The following MFSD12 variants were observed in gnomAD, a reference collection of about 807,000 sequenced individuals.
MFSD12 encodes major facilitator superfamily domain containing 12, also known as major facilitator superfamily domain-containing protein 12.
MFSD12 carries 67 observed loss-of-function variants against 51.2 expected under a neutral mutation model. The ratio of observed to expected loss-of-function variants is 1.31; its 90% CI spans 1.08 to 1.60. The LOEUF (loss-of-function observed/expected upper bound fraction) is 1.60, where lower values mean the gene tolerates loss of function less well. Among genes scored for constraint, MFSD12 ranks in the 40% most tolerant of loss-of-function variants. The pLI is 0.00. For missense variants in MFSD12, 921 were observed against 673.0 expected, an observed-to-expected ratio of 1.37 and a Z score of -4.08; for synonymous variants, 441 against 316.7, an observed-to-expected ratio of 1.39 and a Z score of -4.17.
In MFSD12 at chr19:3,551,137, C is replaced by T; in HGVS notation, c.356G>A (p.Gly119Glu). The T allele has an allele frequency of 1.9e-6, 3 of 1,612,856 alleles. No homozygotes were observed. Among genetic ancestry groups the T allele is most frequent in the Non-Finnish European group, 2.5e-6 (3 of 1,179,928 alleles). Residue 119 changes from glycine (G) to glutamate (E), a missense_variant, in exon 2 of 10, where the codon GGG becomes GAG. Physicochemically the swap from Gly to Glu is moderately conservative, Grantham distance 98 (BLOSUM62 -2). Coordinates refer to ENST00000355415, the MANE Select transcript of MFSD12 (RefSeq NM_174983.5). This position sits in a 1 kb window ranked among gnomAD's most constrained non-coding sequence, Gnocchi z 4.6. ...GGCAGCCCACTCGGGCGTGGCCGCC[C>T]CACAGCCCAGGCAGGGGCTGAAGAT... ...PFIFSPCLGC[G>E]AATPEWAALL...
rs1568264891 is a variant in MFSD12 at position 3,557,159 on chromosome 19, C to CGGTCGGCCT, written c.236_244dup (p.Asp81_Arg82insGlnAlaAsp). On this transcript the variant is annotated inframe_insertion, in exon 1 of 10. Coordinates refer to ENST00000355415, the MANE Select transcript of MFSD12 (RefSeq NM_174983.5). ...GTAGCGGGCGCAGCAGCTGGCGGCG[C>CGGTCGGCCT]GGTCGGCCTCGTAGCCCACGAGCGG... The CGGTCGGCCT allele has an allele frequency of 6.6e-7, 1 of 1,521,416 alleles. No homozygotes were observed. The highest frequency in any genetic ancestry group is 8.8e-7 in the Non-Finnish European group (1 of 1,136,460). 94.2% of individuals were successfully genotyped at this position (1,521,416 alleles called of 1,614,324 possible).
At position 3,557,129 on chromosome 19, in the gene MFSD12, G is replaced by C. The variant is rs770700691; in HGVS notation, c.275C>G (p.Pro92Arg). Residue 92 changes from proline to arginine, a missense_variant, in exon 1 of 10, where the codon CCG becomes CGG. Physicochemically the swap from Pro to Arg is moderately radical, Grantham distance 103. Transcript: ENST00000355415. ...ACCGACCAGGTGCCAGGCCTTGCGC[G>C]GGCCGTAGCGGGCGCAGCAGCTGGC... The part of the protein sequence containing the change: ...RAASCCARYG[P>R]RKAWHLVGTV... 1.1e-5 allele frequency: 17 copies of C among 1,502,068 alleles called. No homozygotes were observed. In the African/African-American group the frequency reaches 1.5e-4, roughly 13 times the overall value. The allele number at this position is 1,502,068 out of a possible 1,614,324, so 93.0% of individuals were successfully genotyped here.
downstream of MFSD12, chr19:3,543,483 C>A: frequency 1.3e-6 from 2 of 1,500,562 alleles, no homozygotes; most frequent in South Asian, 1.2e-5. Context: ...GGTGAGTGCC[C>A]CCCCCCCCGC....
At position 3,557,488 on chromosome 19, in the gene MFSD12, G is replaced by T; in HGVS notation, c.-85C>A. The T allele has an allele frequency of 1.1e-6, 1 of 882,096 alleles. No individual in the cohort carries two copies. The highest frequency in any genetic ancestry group is 1.4e-6 in the Non-Finnish European group (1 of 695,142). 54.6% of individuals were successfully genotyped at this position (882,096 alleles called of 1,614,324 possible). ...CTTCTTGGGTGCCGTGGGGGCAGGCGCCGGGGACCCCCACCACGCGCCGGG... is the reference window on the plus strand; with the variant it reads ...CTTCTTGGGTGCCGTGGGGGCAGGCTCCGGGGACCCCCACCACGCGCCGGG... On this transcript the variant is annotated 5_prime_UTR_variant, in exon 1 of 10. Coordinates refer to ENST00000355415, the MANE Select transcript of MFSD12 (RefSeq NM_174983.5).
At chr19:3,539,467 C>T, downstream of MFSD12, 3 of 561,846 alleles carry the variant, frequency 5.3e-6, no homozygotes, top group Admixed American at 6.0e-5. Context: ...GGAGACAGGC[C>T]AAGAACAAAT....
chr19:3,550,485 G>A (rs1304491897), intron 2 of MFSD12, among the ~76,000 whole-genome samples: 6 of 151,272 alleles, frequency 4.0e-5, no homozygotes, highest in East Asian at 4.0e-4. Context: ...TCCACCTCCC[G>A]GGTTCACACC....
chr19:3,543,783 A>C (rs1458845387), downstream of MFSD12: 1 of 1,492,668 alleles, frequency 6.7e-7, no homozygotes, highest in South Asian at 1.3e-5. Context: ...TTGCTGGCCA[A>C]CGGCGAGGAG....
At chr19:3,556,513 T>A (rs1442827497) in intron 1 of MFSD12, among the ~76,000 whole-genome samples, 1 of 140,794 alleles carries the variant, frequency 7.1e-6, no homozygotes, top group Non-Finnish European at 1.5e-5. Flanking sequence ...CTCAGGCAGA[T>A]AGAGAAGCCC....
chr19:3,556,533 G>GGACAGATGGGGGAGGCACTGCACAGTCA (rs1394667820), intron 1 of MFSD12, among the ~76,000 whole-genome samples: 2 of 151,366 alleles, frequency 1.3e-5, no homozygotes, highest in African/African-American at 4.9e-5. Context: ...CTGCACAGTT[G>GGACAGATGGGGGAGGCACTGCACAGTCA]GACAGATGGG....
chr19:3,551,170 A>T lies in MFSD12; in HGVS notation c.323T>A (p.Phe108Tyr), dbSNP rs772872247. ...CAGGCAGGGGCTGAAGATGAAGGGG[A>T]AGGACAGCAGGACGCAGACGGTGCC... The part of the protein sequence containing the change: ...LVGTVCVLLS[F>Y]PFIFSPCLGC... Residue 108 changes from phenylalanine (F) to tyrosine (Y), a missense_variant, in exon 2 of 10, where the codon TTC becomes TAC. By Grantham distance (22) the Phe-to-Tyr change is conservative (BLOSUM62 3). Transcript: ENST00000355415. The surrounding 1 kb of genome is among the most constrained non-coding windows in gnomAD (Gnocchi z 4.6). 3 of 1,611,154 alleles carry T rather than the reference A, an allele frequency of 1.9e-6. No individual in the cohort carries two copies. Among genetic ancestry groups the T allele is most frequent in the Non-Finnish European group, 2.5e-6 (3 of 1,179,246 alleles).
chr19:3,548,008 C>A lies in MFSD12; in HGVS notation c.677G>T (p.Gly226Val). 6.3e-7 allele frequency: 1 copy of A among 1,599,130 alleles called. No homozygotes were observed. The highest frequency in any genetic ancestry group is 8.5e-7 in the Non-Finnish European group (1 of 1,179,390). ...VFRNLSLLVV[G>V]VGAVFSLLFH... is the part of the protein sequence containing the mutation. Reference sequence around the variant, plus strand: ...TAGCAGTGAGAACACGGCGCCGACACCCACCACCAGCAGGGACAGGTTCTG... The same window carrying A: ...TAGCAGTGAGAACACGGCGCCGACAACCACCACCAGCAGGGACAGGTTCTG... Residue 226 changes from glycine (G) to valine (V), a missense_variant, in exon 4 of 10, where the codon GGT becomes GTT. Coordinates refer to ENST00000355415, the MANE Select transcript of MFSD12 (RefSeq NM_174983.5).
Position 3,544,620 on chromosome 19 carries a change from G to A in MFSD12, c.*90C>T. The A allele has an allele frequency of 6.6e-7, 1 of 1,514,420 alleles. No homozygotes were observed. The highest frequency in any genetic ancestry group is 8.8e-7 in the Non-Finnish European group (1 of 1,131,122). The allele number at this position is 1,514,420 out of a possible 1,614,324, so 93.8% of individuals were successfully genotyped here. A position where few individuals can be genotyped will look rare whatever the true frequency, so the allele number is the denominator to read the frequency against. ...AGGGTGGGGGTCCAGAGAAGAGTGA[G>A]GGGCAGTGGGGGCTTTTCCCCAAGG... is the stretch of plus-strand genomic sequence containing the variant. On this transcript the variant is annotated 3_prime_UTR_variant, in exon 10 of 10. Coordinates refer to ENST00000355415, the MANE Select transcript of MFSD12 (RefSeq NM_174983.5).
At chr19:3,542,474 T>C, downstream of MFSD12, 1 of 984,912 alleles carries the variant, frequency 1.0e-6, no homozygotes, top group Non-Finnish European at 1.2e-6. Context: ...TCTTTGAGTC[T>C]CTTGTCTTTT....
chr19:3,544,808 C>A lies in MFSD12; in HGVS notation c.1420+1G>T, dbSNP rs758488450. On this transcript the variant is annotated splice_donor_variant, in intron 9 of 9. Coordinates refer to ENST00000355415, the MANE Select transcript of MFSD12 (RefSeq NM_174983.5). LOFTEE classifies it high-confidence loss of function. ...GGAGGGAGGGGTGGGCCAGGACTCA[C>A]AGCGTCGCAGGCGGGTCGGCCACAG... 1.9e-6 allele frequency: 3 copies of A among 1,612,050 alleles called. No individual in the cohort carries two copies. In the South Asian group the frequency reaches 3.3e-5, roughly 18 times the overall value.
downstream of MFSD12, among the ~76,000 whole-genome samples, chr19:3,540,609 G>C (rs2122074441): frequency 6.6e-6 from 1 of 152,026 alleles, no homozygotes; most frequent in East Asian, 2.0e-4. Context: ...GCCAGGCGCA[G>C]TGGCTCACGC....
downstream of MFSD12, chr19:3,542,911 A>G: frequency 7.0e-7 from 1 of 1,433,528 alleles, no homozygotes; most frequent in Non-Finnish European, 9.4e-7. Context: ...CTGGACAAGG[A>G]CTGTAGGAAT....
intron 4 of MFSD12, chr19:3,539,008 C>T (rs369635176): frequency 2.4e-5 from 15 of 629,656 alleles, no homozygotes; most frequent in African/African-American, 1.1e-4. Flanking sequence ...GTGTCACCCC[C>T]AGTTGTTAAA....
At position 3,548,950 on chromosome 19, in the gene MFSD12, C is replaced by T. The variant is rs2031291183; in HGVS notation, c.510-683G>A. On this transcript the variant is annotated intron_variant, in intron 2 of 9. Coordinates refer to ENST00000355415, the MANE Select transcript of MFSD12 (RefSeq NM_174983.5). The stretch of plus-strand genomic sequence containing the variant: ...GGGGTGGGGAGGAGCTGGTGATACA[C>T]AGGCAGATGTGGAGACAGCGGACTC... 4.4e-5 allele frequency among the ~76,000 whole-genome samples: 6 copies of T among 135,962 alleles called. No individual in the cohort carries two copies. In the South Asian group the frequency reaches 1.2e-3, roughly 28 times the overall value. 89.2% of individuals were successfully genotyped at this position (135,962 alleles called of 152,430 possible). A position where few individuals can be genotyped will look rare whatever the true frequency, so the allele number is the denominator to read the frequency against.
At chr19:3,546,565 G>A (rs1218074257) in intron 6 of MFSD12, 140 bp from the exon 7 acceptor site, 2 of 998,194 alleles carry the variant, frequency 2.0e-6, no homozygotes, top group African/African-American at 3.3e-5. Context: ...TCTGGCCCTG[G>A]ACACAACACC....
Sources: gnomAD v4.1 joint callset for allele counts (sites outside exome capture counted in the v4.1 genomes callset) on GRCh38, gnomAD v4.1.1 for gene constraint, Gnocchi (gnomAD v3.1) non-coding constraint, MANE v1.5 for transcripts, NCBI Gene and HGNC (gene_info 2026-07-23, HGNC 2026-07-21) for gene names.